The following PREX2 variants were observed in gnomAD, a reference collection of about 807,000 sequenced individuals.
PREX2 encodes phosphatidylinositol 3,4,5-trisphosphate-dependent Rac exchanger 2 protein.
Under a neutral mutation model 203.2 loss-of-function variants are expected in PREX2, and 107 were observed. The ratio of observed to expected loss-of-function variants is 0.53; its 90% CI spans 0.45 to 0.62. PREX2 has a LOEUF of 0.62. Ranked by LOEUF, PREX2 falls within the 20% of genes least tolerant of loss-of-function variation. PREX2 has a pLI of 0.00. For missense variants in PREX2, 1,777 were observed against 1,955.9 expected, an observed-to-expected ratio of 0.91 and a Z score of 1.72; for synonymous variants, 672 against 663.6, an observed-to-expected ratio of 1.01 and a Z score of -0.19.
intron 1 of PREX2, among the ~76,000 whole-genome samples, chr8:67,973,071 C>A (rs1291103621): frequency 3.9e-5 from 6 of 152,192 alleles, no homozygotes; most frequent in African/African-American, 1.2e-4. Context: ...ACTCTCAATG[C>A]CGTGTTGATT....
intron 39 of PREX2, among the ~76,000 whole-genome samples, chr8:68,230,322 G>A (rs1563597314): frequency 1.3e-5 from 2 of 152,280 alleles, no homozygotes; most frequent in East Asian, 1.9e-4. Context: ...CTAGTCCTGG[G>A]TTGTAGTGCT....
rs1201767258 is a variant in PREX2, at chr8:68,053,147, A to G, written c.994A>G (p.Asn332Asp). The G allele has an allele frequency of 6.2e-7, 1 of 1,613,648 alleles. No homozygotes were observed. Among genetic ancestry groups the G allele is most frequent in the Admixed American group, 1.7e-5 (1 of 59,988 alleles). The change falls in exon 9 of 40, where the codon AAC (asparagine) becomes GAC (aspartate). Residue 332 changes from asparagine to aspartate, a missense_variant. Physicochemically the swap from Asn to Asp is conservative, Grantham distance 23. Coordinates refer to ENST00000288368, the MANE Select transcript of PREX2 (RefSeq NM_024870.4). ...HIVVNGWKIH[N>D]TAKNKWFVCM... ...TGTTGTTAATGGATGGAAGATACAT[A>G]ACACAGCAAAAAATAAATGGTTTGT...
chr8:68,133,892 A>G lies in PREX2; in HGVS notation c.3767-167A>G, dbSNP rs187243084. On this transcript the variant is annotated intron_variant, in intron 31 of 39. Coordinates refer to ENST00000288368, the MANE Select transcript of PREX2 (RefSeq NM_024870.4). ...TGGTGTTTAGTGTTTTCTGTAAAGC[A>G]TATTTGCTAGAATGTGTGTGGTCAT... 3.5e-3 allele frequency among the ~76,000 whole-genome samples: 538 copies of G among 152,362 alleles called. 9 individuals are homozygous for G. The South Asian group carries it at 0.037, about 10-fold the overall frequency.
At chr8:68,165,787 A>C (rs1446822437) in intron 35 of PREX2, among the ~76,000 whole-genome samples, 1 of 152,140 alleles carries the variant, frequency 6.6e-6, no homozygotes, top group African/African-American at 2.4e-5. Flanking sequence ...AAAGATCCCC[A>C]GTTTTGGCAA....
intron 34 of PREX2, among the ~76,000 whole-genome samples, chr8:68,154,543 G>A (rs760163701): frequency 1.3e-5 from 2 of 152,096 alleles, no homozygotes; most frequent in Non-Finnish European, 2.9e-5. Flanking sequence ...AATCCTCCTG[G>A]GATATTTACC....
At chr8:68,093,569 A>G in intron 20 of PREX2, 36 bp from the exon 21 acceptor site, 2 of 1,029,588 alleles carry the variant, frequency 1.9e-6, no homozygotes, top group Non-Finnish European at 3.0e-6. Context: ...AGGAAGCACT[A>G]ATACCTCTGA....
intron 18 of PREX2, among the ~76,000 whole-genome samples, chr8:68,083,655 G>T (rs1389770078): frequency 6.6e-6 from 1 of 152,092 alleles, no homozygotes; most frequent in Non-Finnish European, 1.5e-5. Flanking sequence ...GTTGAATTGG[G>T]TTTTACTATG....
intron 10 of PREX2, among the ~76,000 whole-genome samples, chr8:68,058,558 C>T (rs1585745919): frequency 1.3e-5 from 2 of 152,122 alleles, no homozygotes; most frequent in South Asian, 4.2e-4. Flanking sequence ...CTCAGCCTCC[C>T]TAGTGGCTGG....
chr8:68,100,616 C>G (rs1287880123), intron 23 of PREX2, among the ~76,000 whole-genome samples: 1 of 152,158 alleles, frequency 6.6e-6, no homozygotes, highest in Non-Finnish European at 1.5e-5. Flanking sequence ...AGCCCCAAAG[C>G]AGAAAGAAGG....
intron 13 of PREX2, among the ~76,000 whole-genome samples, chr8:68,071,990 T>G (rs1310690753): frequency 1.3e-5 from 2 of 152,148 alleles, no homozygotes; most frequent in Non-Finnish European, 2.9e-5. Flanking sequence ...ATTAATACGA[T>G]GTACAGTAAG....
chr8:68,204,594 T>G (rs1812571765), intron 37 of PREX2, among the ~76,000 whole-genome samples: 1 of 152,048 alleles, frequency 6.6e-6, no homozygotes, highest in Non-Finnish European at 1.5e-5. Flanking sequence ...TACCCATCTC[T>G]GCTGCATTCT....
At chr8:68,158,299 C>A (rs1304310700) in intron 35 of PREX2, among the ~76,000 whole-genome samples, 2 of 151,550 alleles carry the variant, frequency 1.3e-5, no homozygotes, top group Non-Finnish European at 2.9e-5. Context: ...CTTAATAAAT[C>A]AAAAATACTA....
At chr8:67,981,186 A>G (rs1278329779) in intron 1 of PREX2, among the ~76,000 whole-genome samples, 1 of 152,216 alleles carries the variant, frequency 6.6e-6, no homozygotes, top group Non-Finnish European at 1.5e-5. Context: ...AATGCCTAAT[A>G]TAAGGGAACA....
chr8:68,134,827 A>AG (rs1177327117), intron 32 of PREX2, among the ~76,000 whole-genome samples: 3 of 152,216 alleles, frequency 2.0e-5, no homozygotes, highest in Non-Finnish European at 2.9e-5. Flanking sequence ...TTCTATGTTT[A>AG]TGCATTGGGT....
chr8:68,161,797 G>T (rs1279406723), intron 35 of PREX2, among the ~76,000 whole-genome samples: 1 of 151,754 alleles, frequency 6.6e-6, no homozygotes, highest in Middle Eastern at 3.2e-3. Flanking sequence ...GGTAGTTTTA[G>T]TTACACATAC....
intron 1 of PREX2, among the ~76,000 whole-genome samples, chr8:67,965,495 A>ATG (rs1554557382): frequency 4.9e-4 from 57 of 116,708 alleles, no homozygotes; most frequent in Admixed American, 8.0e-4. Flanking sequence ...ATGAGTGTAT[A>ATG]TGTATATATA....
At chr8:68,096,964 G>A in intron 21 of PREX2, 53 bp from the exon 22 acceptor site, 3 of 1,429,246 alleles carry the variant, frequency 2.1e-6, no homozygotes, top group Middle Eastern at 1.8e-4. Flanking sequence ...ATTATTTGAG[G>A]AGATTAACAA....
intron 33 of PREX2, among the ~76,000 whole-genome samples, chr8:68,140,863 C>T (rs1382692837): frequency 1.3e-5 from 2 of 152,104 alleles, no homozygotes; most frequent in Non-Finnish European, 2.9e-5. Flanking sequence ...TTTATAGCAT[C>T]GCCTATAATC....
intron 37 of PREX2, among the ~76,000 whole-genome samples, chr8:68,206,333 G>A (rs1812625700): frequency 6.6e-6 from 1 of 152,176 alleles, no homozygotes; most frequent in South Asian, 2.1e-4. Flanking sequence ...ATGTTCAGTT[G>A]AAATCTGTGC....
Sources: gnomAD v4.1 joint callset for allele counts (sites outside exome capture counted in the v4.1 genomes callset) on GRCh38, gnomAD v4.1.1 for gene constraint, MANE v1.5 for transcripts, NCBI Gene and HGNC (gene_info 2026-07-23, HGNC 2026-07-21) for gene names.